Variants in DOCK10 observed in about 807,000 individuals in gnomAD.
DOCK10 encodes the protein dedicator of cytokinesis protein 10.
In DOCK10, 145 loss-of-function variants were observed where a neutral mutation model predicts 280.1. The observed-to-expected ratio is 0.52, with a 90% CI of 0.45 to 0.59. The LOEUF is 0.59. Among genes scored for constraint, DOCK10 ranks in the 20% least tolerant of loss-of-function variants. The pLI is 0.00. For synonymous variants in DOCK10, 915 were observed against 942.2 expected, an observed-to-expected ratio of 0.97 and a Z score of 0.53; for missense variants, 2,368 against 2,651.7, an observed-to-expected ratio of 0.89 and a Z score of 2.35.
chr2:224,845,768 C>T (rs895511668), intron 19 of DOCK10, 126 bp from the exon 20 acceptor site: 31 of 884,854 alleles, frequency 3.5e-5, no homozygotes, highest in Admixed American at 7.6e-5. Context: ...CTGTCACCTA[C>T]GCTGGAGTGC....
At chr2:224,895,332 C>T (rs755589944) in intron 4 of DOCK10, among the ~76,000 whole-genome samples, 1 of 152,178 alleles carries the variant, frequency 6.6e-6, no homozygotes, top group Non-Finnish European at 1.5e-5. Context: ...CAATGTGTAT[C>T]ATATCAGTGC....
intron 1 of DOCK10, among the ~76,000 whole-genome samples, chr2:224,945,201 T>A (rs980403837): frequency 6.6e-6 from 1 of 152,176 alleles, no homozygotes; most frequent in Non-Finnish European, 1.5e-5. Context: ...GGAAATTATG[T>A]TTTGGGGACA....
intron 1 of DOCK10, among the ~76,000 whole-genome samples, chr2:224,943,389 A>C (rs1703202690): frequency 1.3e-5 from 2 of 152,188 alleles, no homozygotes; most frequent in Admixed American, 6.5e-5. Flanking sequence ...CTGGGTCAAG[A>C]GGGTATAAAA....
chr2:224,782,619 A>T (rs1279178042), intron 50 of DOCK10, among the ~76,000 whole-genome samples: 1 of 152,146 alleles, frequency 6.6e-6, no homozygotes, highest in Non-Finnish European at 1.5e-5. Flanking sequence ...GCATTTTTTT[A>T]AAGTTCCTGC....
intron 3 of DOCK10, among the ~76,000 whole-genome samples, chr2:224,915,290 C>T (rs1434093790): frequency 6.6e-6 from 1 of 152,166 alleles, no homozygotes; most frequent in South Asian, 2.1e-4. Context: ...AAGACTTTCT[C>T]TAAGGCAACT....
chr2:224,791,521 G>A (rs1331249056), intron 47 of DOCK10, among the ~76,000 whole-genome samples: 25 of 150,876 alleles, frequency 1.7e-4, no homozygotes, highest in Admixed American at 1.6e-3. Context: ...CTAGAGTGCA[G>A]TGGCGTGATC....
At chr2:224,879,060 T>C (rs1698816208) in intron 7 of DOCK10, among the ~76,000 whole-genome samples, 3 of 152,100 alleles carry the variant, frequency 2.0e-5, no homozygotes, top group Admixed American at 2.0e-4. Flanking sequence ...GAAAAAGAGG[T>C]ACTGGGTTCT....
intron 1 of DOCK10, among the ~76,000 whole-genome samples, chr2:225,010,976 G>A (rs1029714286): frequency 6.6e-5 from 10 of 152,126 alleles, no homozygotes; most frequent in Non-Finnish European, 1.0e-4. Context: ...ATACTTCGAA[G>A]GGAAAATATA....
At chr2:224,828,476 C>T (rs966426175) in intron 27 of DOCK10, among the ~76,000 whole-genome samples, 1 of 152,094 alleles carries the variant, frequency 6.6e-6, no homozygotes, top group East Asian at 1.9e-4. Context: ...GGTGGATATA[C>T]AGGAATGGAC....
chr2:224,876,253 A>T (rs1186515372), intron 7 of DOCK10, 32 bp from the exon 8 acceptor site: 1 of 1,528,870 alleles, frequency 6.5e-7, no homozygotes, highest in Non-Finnish European at 8.9e-7. Context: ...AGAAAAAGAG[A>T]ATACCAAAAA....
intron 1 of DOCK10, among the ~76,000 whole-genome samples, chr2:224,975,318 C>A (rs56118884): frequency 0.31 from 47,351 of 152,058 alleles, 7,627 homozygotes; most frequent in South Asian, 0.51. Context: ...AGGGAAAATA[C>A]CTCCAAAGAT....
rs577846407 is a variant in DOCK10, at chr2:224,903,940, T to C, written c.334-7563A>G. Reference sequence around the variant, plus strand: ...AATGTGAAACACGTAACCATTTTGTTTTCATTTTTCAACTGTTTTTCCAGA... The same window carrying C: ...AATGTGAAACACGTAACCATTTTGTCTTCATTTTTCAACTGTTTTTCCAGA... On this transcript the variant is annotated intron_variant, in intron 3 of 55. Coordinates refer to ENST00000258390, the MANE Select transcript of DOCK10 (RefSeq NM_014689.3). 4.6e-4 allele frequency among the ~76,000 whole-genome samples: 70 copies of C among 152,314 alleles called. No individual in the cohort carries two copies. The South Asian group carries it at 5.2e-3, about 11-fold the overall frequency.
At chr2:224,853,225 T>G in intron 16 of DOCK10, 103 bp from the exon 17 acceptor site, 1 of 980,370 alleles carries the variant, frequency 1.0e-6, no homozygotes, top group Non-Finnish European at 1.4e-6. Context: ...TAGAAACTCC[T>G]GGCTTGTACA....
At chr2:224,891,394 A>C (rs983525118) in intron 4 of DOCK10, among the ~76,000 whole-genome samples, 14 of 152,192 alleles carry the variant, frequency 9.2e-5, no homozygotes, top group African/African-American at 2.2e-4. Flanking sequence ...GTTGAGTAAA[A>C]ATTTCTCAGT....
chr2:224,854,299 TA>T (rs1696956835), intron 16 of DOCK10, among the ~76,000 whole-genome samples: 1 of 152,086 alleles, frequency 6.6e-6, no homozygotes, highest in South Asian at 2.1e-4. Flanking sequence ...TTTTACCACT[TA>T]AAAATTAAAT....
chr2:224,891,124 G>C (rs1010229307), intron 4 of DOCK10, among the ~76,000 whole-genome samples: 2 of 152,140 alleles, frequency 1.3e-5, no homozygotes, highest in Non-Finnish European at 2.9e-5. Context: ...GACAGGTTGT[G>C]TAATAAAACA....
In DOCK10 at chr2:224,797,077, A is replaced by C. The variant is rs1420250429; in HGVS notation, c.4714T>G (p.Cys1572Gly). The C allele has an allele frequency of 6.2e-6, 10 of 1,613,710 alleles. No homozygotes were observed. Among genetic ancestry groups the C allele is most frequent in the Non-Finnish European group, 6.8e-6 (8 of 1,179,722 alleles). Residue 1572 changes from cysteine to glycine, a missense_variant, in exon 43 of 56, where the codon TGT (cysteine) becomes GGT (glycine). By Grantham distance (159) the Cys-to-Gly change is radical. Coordinates refer to ENST00000258390, the MANE Select transcript of DOCK10 (RefSeq NM_014689.3). ...GSFCYEVLKC[C>G]NHRSRSTQTE... Reference sequence around the variant, plus strand: ...TGAGTTGACCGTGACCTGTGGTTACAGCATTTTAGGACTTCGTAACAGAAT... The same window carrying C: ...TGAGTTGACCGTGACCTGTGGTTACCGCATTTTAGGACTTCGTAACAGAAT...
intron 27 of DOCK10, among the ~76,000 whole-genome samples, chr2:224,830,315 C>T (rs916598922): frequency 6.6e-6 from 1 of 152,176 alleles, no homozygotes; most frequent in African/African-American, 2.4e-5. Context: ...ATAGTTATTT[C>T]CCTCCAATAC....
At chr2:224,980,419 C>G (rs9967872) in intron 1 of DOCK10, among the ~76,000 whole-genome samples, 118,365 of 152,228 alleles carry the variant, frequency 0.78, 46,713 homozygotes, top group African/African-American at 0.92. Context: ...ATAACAACAA[C>G]ACTGGCAAAA....
Sources: allele counts gnomAD v4.1 joint callset (sites outside exome capture counted in the v4.1 genomes callset), GRCh38; gene constraint gnomAD v4.1.1; transcripts MANE v1.5; gene names NCBI Gene and HGNC (gene_info 2026-07-23, HGNC 2026-07-21).